The following TENM2 variants were observed in gnomAD, a reference collection of about 807,000 sequenced individuals.
TENM2 encodes teneurin-2.
Under a neutral mutation model 245.2 loss-of-function variants are expected in TENM2, and 52 were observed. That is an observed-to-expected ratio of 0.21 (90% CI 0.17 to 0.27). TENM2 has a LOEUF of 0.27. TENM2 is among the 10% of genes least tolerant of loss of function. TENM2 has a pLI of 1.00. For synonymous variants in TENM2, 1,363 were observed against 1,438.9 expected (o/e 0.95, Z 1.19); for missense variants, 3,046 against 3,666.8 (o/e 0.83, Z 4.37).
intron 2 of TENM2, chr5:167,573,931 A>G (rs1425849511): frequency 6.6e-6 from 1 of 150,796 alleles, no homozygotes; most frequent in Non-Finnish European, 1.5e-5. Flanking sequence ...CGGGGGGTGG[A>G]CTTAGCAGTG....
chr5:167,665,870 A>G (rs926518969), intron 2 of TENM2, among the ~76,000 whole-genome samples: 1 of 152,164 alleles, frequency 6.6e-6, no homozygotes, highest in East Asian at 1.9e-4. Flanking sequence ...CATTGACATT[A>G]TCTTCTAAAT....
chr5:167,882,299 G>A (rs1773942246), intron 3 of TENM2, among the ~76,000 whole-genome samples: 1 of 152,146 alleles, frequency 6.6e-6, no homozygotes, highest in South Asian at 2.1e-4. Context: ...CTAAGCTCAG[G>A]AGGGGCTAAG....
intron 2 of TENM2, among the ~76,000 whole-genome samples, chr5:167,701,198 AT>A (rs960655977): frequency 1.3e-5 from 2 of 152,012 alleles, no homozygotes; most frequent in Non-Finnish European, 2.9e-5. Context: ...TAGCTATTAC[AT>A]TTTTTCCCAG....
At chr5:167,453,782 A>T (rs1765747024) in intron 2 of TENM2, among the ~76,000 whole-genome samples, 1 of 151,946 alleles carries the variant, frequency 6.6e-6, no homozygotes. Flanking sequence ...TAAAACATCC[A>T]CTCATCTCAA....
intron 2 of TENM2, among the ~76,000 whole-genome samples, chr5:167,378,086 A>T (rs1170639984): frequency 1.6e-4 from 24 of 152,122 alleles, no homozygotes; most frequent in Admixed American, 1.6e-3. Flanking sequence ...TTTGGGATAA[A>T]TGGATTTTTC....
chr5:167,460,365 C>T (rs1327605861), intron 2 of TENM2, among the ~76,000 whole-genome samples: 2 of 152,032 alleles, frequency 1.3e-5, no homozygotes, highest in East Asian at 1.9e-4. Context: ...CAATATAAGC[C>T]ATCTCCCACT....
chr5:168,089,573 CAAAGTT>C (rs1792747613), intron 7 of TENM2, among the ~76,000 whole-genome samples: 2 of 152,134 alleles, frequency 1.3e-5, no homozygotes, highest in Non-Finnish European at 2.9e-5. Context: ...TCCACTGAAA[CAAAGTT>C]AAACTTTAAT....
the TENM2 span, among the ~76,000 whole-genome samples, chr5:167,248,097 G>T: frequency 5.9e-5 from 9 of 152,140 alleles, no homozygotes; most frequent in Admixed American, 5.2e-4. Flanking sequence ...AGGCAACTTG[G>T]AATTTCACTT....
At position 167,306,852 on chromosome 5, in the gene TENM2, A is replaced by G. The variant is rs111790670; in HGVS notation, c.226+21789A>G. On this transcript the variant is annotated intron_variant, in intron 1 of 28. Transcript: ENST00000518659. ...AATAACTGAATAATATTTACTGAAT[A>G]TTAACTGTATGCCTCACTATTCCCT... Among the ~76,000 whole-genome samples the G allele has an allele frequency of 1.2e-3, 182 of 152,350 alleles. 1 individual carries two copies. Among genetic ancestry groups the G allele is most frequent in the African/African-American group, 4.3e-3 (178 of 41,582 alleles).
chr5:167,711,905 A>G (rs1006570194), intron 2 of TENM2, among the ~76,000 whole-genome samples: 2 of 152,158 alleles, frequency 1.3e-5, no homozygotes, highest in South Asian at 4.1e-4. Flanking sequence ...CTTGCCACCA[A>G]CTGAACCTTG....
chr5:167,347,884 T>C (rs1758565658), intron 1 of TENM2, among the ~76,000 whole-genome samples: 4 of 152,178 alleles, frequency 2.6e-5, no homozygotes. Flanking sequence ...TTAGCTTTCA[T>C]GCAGGTGATG....
chr5:167,560,259 C>G (rs1157566751), intron 2 of TENM2, among the ~76,000 whole-genome samples: 1 of 152,192 alleles, frequency 6.6e-6, no homozygotes, highest in East Asian at 1.9e-4. Context: ...CCAGAGCACT[C>G]CGTCTCTAAC....
intron 2 of TENM2, among the ~76,000 whole-genome samples, chr5:167,417,201 C>T (rs937900029): frequency 6.6e-6 from 1 of 152,062 alleles, no homozygotes; most frequent in Admixed American, 6.6e-5. Flanking sequence ...TGTGTCCTTC[C>T]AGCTCACTAG....
At chr5:167,452,503 T>C (rs1209267361) in intron 2 of TENM2, among the ~76,000 whole-genome samples, 3 of 152,140 alleles carry the variant, frequency 2.0e-5, no homozygotes, top group African/African-American at 7.2e-5. Flanking sequence ...AATCCAAGGA[T>C]GCCATAGTTT....
intron 7 of TENM2, among the ~76,000 whole-genome samples, chr5:168,077,779 A>G (rs1275789702): frequency 6.6e-6 from 1 of 152,206 alleles, no homozygotes; most frequent in African/African-American, 2.4e-5. Flanking sequence ...ATGGCTGCAT[A>G]GTATTCCATG....
chr5:167,337,697 G>A (rs558206534), intron 1 of TENM2, among the ~76,000 whole-genome samples: 3 of 152,106 alleles, frequency 2.0e-5, no homozygotes, highest in Admixed American at 6.5e-5. Context: ...AAAGCTTGAC[G>A]TTGCAAAAAG....
chr5:167,316,510 A>T (rs1247177820), intron 1 of TENM2, among the ~76,000 whole-genome samples: 1 of 152,188 alleles, frequency 6.6e-6, no homozygotes, highest in African/African-American at 2.4e-5. Flanking sequence ...TTAAAGACAG[A>T]TTCTAGAAGC....
At chr5:167,282,698 G>A (rs898697902), upstream of TENM2, among the ~76,000 whole-genome samples, 22 of 152,226 alleles carry the variant, frequency 1.4e-4, no homozygotes, top group African/African-American at 4.8e-4. Flanking sequence ...CAGTGGTCAT[G>A]GTAGGACTGG....
chr5:167,512,837 C>A (rs1239665219), intron 2 of TENM2, among the ~76,000 whole-genome samples: 3 of 151,952 alleles, frequency 2.0e-5, no homozygotes, highest in African/African-American at 7.3e-5. Context: ...TTTTTTTCCT[C>A]CTTTTATAAT....
Sources: allele counts gnomAD v4.1 joint callset (sites outside exome capture counted in the v4.1 genomes callset), GRCh38; gene constraint gnomAD v4.1.1; transcripts MANE v1.5; gene names NCBI Gene and HGNC (gene_info 2026-07-23, HGNC 2026-07-21).